The following ANKRD11 variants were observed in gnomAD, a reference collection of about 807,000 sequenced individuals.
ANKRD11 encodes ankyrin repeat domain 11.
ANKRD11 carries 17 observed loss-of-function variants against 195.7 expected under a neutral mutation model. That is an observed-to-expected ratio of 0.09 (90% CI 0.06 to 0.13). The LOEUF (loss-of-function observed/expected upper bound fraction) is 0.13. Ranked by LOEUF, ANKRD11 falls within the 10% of genes least tolerant of loss-of-function variation. The probability of loss-of-function intolerance (pLI) is 1.00; values close to 1 mark genes in which losing one functional copy is unlikely to be tolerated. For synonymous variants in ANKRD11, 1,953 were observed against 1,528.1 expected, an observed-to-expected ratio of 1.28 and a Z score of -6.49; for missense variants, 3,735 against 3,566.1, an observed-to-expected ratio of 1.05 and a Z score of -1.21.
At position 89,317,897 on chromosome 16, in the gene ANKRD11, T is replaced by C. The variant is rs148787939; in HGVS notation, c.-59-819A>G. Among the ~76,000 whole-genome samples, 746 of 152,182 alleles carry C rather than the reference T, an allele frequency of 4.9e-3. 5 individuals are homozygous for C. Among genetic ancestry groups the C allele is most frequent in the African/African-American group, 0.017 (711 of 41,510 alleles). ...CTCCCATGCAACCCAATCACCTTCTTACCCAAGTTCACGCCCAGGCCAAGC... is the reference window on the plus strand; with the variant it reads ...CTCCCATGCAACCCAATCACCTTCTCACCCAAGTTCACGCCCAGGCCAAGC... On this transcript the variant is annotated intron_variant, in intron 2 of 12. Coordinates refer to ENST00000301030, the MANE Select transcript of ANKRD11 (RefSeq NM_013275.6).
intron 2 of ANKRD11, among the ~76,000 whole-genome samples, chr16:89,408,456 G>C (rs892597422): frequency 6.6e-6 from 1 of 152,260 alleles, no homozygotes; most frequent in Admixed American, 6.5e-5. Flanking sequence ...GCCTCACCCT[G>C]ACCCTGAGCG....
intron 4 of ANKRD11, among the ~76,000 whole-genome samples, chr16:89,294,729 C>G (rs1162800486): frequency 6.6e-6 from 1 of 152,202 alleles, no homozygotes; most frequent in Non-Finnish European, 1.5e-5. Flanking sequence ...CGTACCTGTA[C>G]CTGCACTGTC....
chr16:89,471,967 T>A (rs1367183490), intron 1 of ANKRD11, among the ~76,000 whole-genome samples: 1 of 151,840 alleles, frequency 6.6e-6, no homozygotes, highest in Non-Finnish European at 1.5e-5. Context: ...CTGCCAAACA[T>A]CACATGCTCA....
chr16:89,401,098 G>A (rs889823459), intron 2 of ANKRD11, among the ~76,000 whole-genome samples: 7 of 46,152 alleles, frequency 1.5e-4, no homozygotes, highest in Non-Finnish European at 3.6e-4. Context: ...CCCCCCACCC[G>A]CCCTCCCCCT....
At chr16:89,441,161 G>A (rs2043444051) in intron 1 of ANKRD11, among the ~76,000 whole-genome samples, 2 of 151,640 alleles carry the variant, frequency 1.3e-5, no homozygotes, top group African/African-American at 4.9e-5. Context: ...GCGTGAACCT[G>A]AGAGGCAGAG....
chr16:89,419,074 A>G (rs565559941), intron 1 of ANKRD11, among the ~76,000 whole-genome samples: 52 of 152,178 alleles, frequency 3.4e-4, no homozygotes, highest in Non-Finnish European at 5.9e-4. Context: ...AACTACATAA[A>G]AGGTGCAAAA....
intron 2 of ANKRD11, among the ~76,000 whole-genome samples, chr16:89,363,871 C>T (rs2039837360): frequency 4.0e-5 from 6 of 151,858 alleles, no homozygotes; most frequent in African/African-American, 1.5e-4. Flanking sequence ...GCCTGGCCAT[C>T]GTGGCAAAAC....
intron 1 of ANKRD11, among the ~76,000 whole-genome samples, chr16:89,480,286 C>T (rs2057402378): frequency 6.6e-6 from 1 of 151,722 alleles, no homozygotes; most frequent in African/African-American, 2.4e-5. Context: ...ACCATTCTGG[C>T]TAACATGGCG....
intron 1 of ANKRD11, among the ~76,000 whole-genome samples, chr16:89,476,994 A>C (rs913156618): frequency 4.6e-5 from 7 of 152,230 alleles, no homozygotes; most frequent in African/African-American, 1.7e-4. Flanking sequence ...CAGAGATGAA[A>C]GGGGAAGTGA....
Position 89,281,861 on chromosome 16 carries a change from G to T in ANKRD11, c.4681C>A (p.Pro1561Thr), listed in dbSNP as rs750132258. Residue 1561 changes from proline (P) to threonine (T), a missense_variant, in exon 9 of 13, where the codon CCA (proline) becomes ACA (threonine). By Grantham distance (38) the Pro-to-Thr change is conservative. Transcript: ENST00000301030. The surrounding 1 kb of genome is among the most constrained non-coding windows in gnomAD (Gnocchi z 5.5). ...CTGGGCCTGGCGTCTTTCTTGCCTG[G>T]GTCTTTGGATGGCGCTACCTTATCA... ...GNDKVAPSKD[P>T]GKKDARPREK... 1.2e-6 allele frequency: 2 copies of T among 1,613,964 alleles called. No homozygotes were observed. The highest frequency in any genetic ancestry group is 1.7e-5 in the Admixed American group (1 of 60,030).
intron 1 of ANKRD11, among the ~76,000 whole-genome samples, chr16:89,424,334 G>A (rs369856832): frequency 6.6e-6 from 1 of 151,848 alleles, no homozygotes; most frequent in African/African-American, 2.4e-5. Flanking sequence ...CCAGCTACTC[G>A]GGAGACTGAA....
At chr16:89,287,470 T>C (rs991043302) in intron 7 of ANKRD11, 29 of 227,268 alleles carry the variant, frequency 1.3e-4, no homozygotes, top group Admixed American at 8.8e-4. Context: ...TTAAAAGTGG[T>C]AATTACAGAA....
chr16:89,300,322 C>T, intron 4 of ANKRD11: 1 of 210,138 alleles, frequency 4.8e-6, no homozygotes. Context: ...CTAACATCCC[C>T]ACACACGTGA....
chr16:89,437,328 CTG>C lies in ANKRD11; in HGVS notation c.-144-18962_-144-18961del, dbSNP rs1211406852. ...CAAAAAAATACCAAAAAGTGAAAGA[CTG>C]TATTGTTTGCCCCAACATCTGTTTT... On this transcript the variant is annotated intron_variant, in intron 1 of 12. Coordinates refer to ENST00000301030, the MANE Select transcript of ANKRD11 (RefSeq NM_013275.6). Among the ~76,000 whole-genome samples the C allele has an allele frequency of 3.9e-5, 6 of 152,346 alleles. No homozygotes were observed. In the East Asian group the frequency reaches 9.6e-4, roughly 24 times the overall value.
chr16:89,353,768 C>T lies in ANKRD11; in HGVS notation c.-59-36690G>A, dbSNP rs192440958. On this transcript the variant is annotated intron_variant, in intron 2 of 12. Transcript: ENST00000301030. The stretch of plus-strand genomic sequence containing the variant: ...GTGCTGGGATTACAGGCGTGAGCCA[C>T]TACGCCCGAACTGGTCACATATCTT... Among the ~76,000 whole-genome samples, 8 of 152,312 alleles carry T rather than the reference C, an allele frequency of 5.3e-5. No homozygotes were observed. In the East Asian group the frequency reaches 1.2e-3, roughly 22 times the overall value.
intron 2 of ANKRD11, among the ~76,000 whole-genome samples, chr16:89,355,094 C>T (rs930868058): frequency 6.6e-6 from 1 of 152,194 alleles, no homozygotes; most frequent in Non-Finnish European, 1.5e-5. Flanking sequence ...CTAAATGTTG[C>T]TGACATTTCC....
chr16:89,369,456 C>T (rs1050978301), intron 2 of ANKRD11, among the ~76,000 whole-genome samples: 1 of 152,176 alleles, frequency 6.6e-6, no homozygotes, highest in African/African-American at 2.4e-5. Context: ...CAAGCTCTGC[C>T]GCAGCATGGG....
chr16:89,403,996 G>C (rs546707087), intron 2 of ANKRD11, among the ~76,000 whole-genome samples: 1 of 152,258 alleles, frequency 6.6e-6, no homozygotes, highest in East Asian at 1.9e-4. Flanking sequence ...AACTAAAATA[G>C]GGTGAAAGAA....
At chr16:89,424,176 G>A (rs930396155) in intron 1 of ANKRD11, among the ~76,000 whole-genome samples, 2 of 152,150 alleles carry the variant, frequency 1.3e-5, no homozygotes, top group Admixed American at 6.5e-5. Context: ...CTGGCTGGGC[G>A]CAGTGGCTCA....
Sources: gnomAD v4.1 joint callset for allele counts (sites outside exome capture counted in the v4.1 genomes callset) on GRCh38, gnomAD v4.1.1 for gene constraint, Gnocchi (gnomAD v3.1) non-coding constraint, MANE v1.5 for transcripts, NCBI Gene and HGNC (gene_info 2026-07-23, HGNC 2026-07-21) for gene names.